PPP6R2: variants seen among roughly 807,000 people sequenced by gnomAD.
PPP6R2 encodes the protein protein phosphatase 6 regulatory subunit 2.
A neutral mutation model predicts 100.2 loss-of-function variants in PPP6R2; 62 were observed. The observed-to-expected ratio is 0.62, with a 90% confidence interval of 0.50 to 0.76. The LOEUF is 0.76. PPP6R2 is among the 30% of genes least tolerant of loss of function. The pLI is 0.00. For missense variants in PPP6R2, 1,142 were observed against 1,276.3 expected (o/e 0.89, Z 1.60); for synonymous variants, 525 against 514.7 (o/e 1.02, Z -0.27).
Position 50,406,773 on chromosome 22 carries a change from C to T in PPP6R2, c.312C>T (p.Ser104=). ...DRLGGDESLL[S]LLYDFLDHEP... is the part of the protein sequence containing the mutation. ...TCGGTGGGGACGAGAGCCTGCTGAGCCTCCTGTACGACTTCTTGGACCATG... is the reference window on the plus strand; with the variant it reads ...TCGGTGGGGACGAGAGCCTGCTGAGTCTCCTGTACGACTTCTTGGACCATG... The change falls in exon 4 of 24, where the codon AGC becomes AGT. Residue 104 remains serine, a synonymous_variant. Coordinates refer to ENST00000612753, the MANE Select transcript of PPP6R2 (RefSeq NM_001242898.2). 2 of 1,614,026 alleles carry T rather than the reference C, an allele frequency of 1.2e-6. No individual in the cohort carries two copies. Among genetic ancestry groups the T allele is most frequent in the African/African-American group, 1.3e-5 (1 of 75,010 alleles).
At chr22:50,424,864 A>C (rs540228860) in intron 10 of PPP6R2, among the ~76,000 whole-genome samples, 11 of 150,886 alleles carry the variant, frequency 7.3e-5, no homozygotes, top group South Asian at 4.2e-4. Context: ...ATGGTCTCAA[A>C]CTCCTGACCT....
intron 8 of PPP6R2, among the ~76,000 whole-genome samples, chr22:50,419,934 C>T (rs12159194): frequency 0.039 from 5,920 of 152,344 alleles, 226 homozygotes; most frequent in African/African-American, 0.096. Flanking sequence ...GGGTCGGCAC[C>T]GCCTGCTGAG....
At chr22:50,339,411 G>GGGGTA (rs2147828065), upstream of PPP6R2, among the ~76,000 whole-genome samples, 1 of 133,310 alleles carries the variant, frequency 7.5e-6, no homozygotes, top group African/African-American at 2.8e-5. Flanking sequence ...TGTGGTGTGT[G>GGGGTA]TGTAGGGTGT....
intron 3 of PPP6R2, among the ~76,000 whole-genome samples, chr22:50,402,208 A>G (rs1201327264): frequency 2.0e-5 from 3 of 151,596 alleles, no homozygotes; most frequent in African/African-American, 7.3e-5. Context: ...CCACTAGTTG[A>G]CTTTTCTCTT....
intron 1 of PPP6R2, among the ~76,000 whole-genome samples, chr22:50,353,676 G>A (rs947116085): frequency 2.6e-5 from 4 of 152,068 alleles, no homozygotes; most frequent in Admixed American, 1.3e-4. Context: ...CATTACCTGC[G>A]AAGCACAATG....
chr22:50,365,610 C>T (rs550231321), intron 1 of PPP6R2, among the ~76,000 whole-genome samples: 10 of 148,416 alleles, frequency 6.7e-5, no homozygotes, highest in Admixed American at 2.7e-4. Flanking sequence ...ACCCGGGAGG[C>T]GGAGCTTGCA....
rs372034581 is a variant in PPP6R2, at chr22:50,431,411, GC to G, written c.1335+30del. 3.0e-4 allele frequency: 471 copies of G among 1,582,280 alleles called. 5 individuals are homozygous for G. In the South Asian group the frequency reaches 4.4e-3, roughly 15 times the overall value. ...AGTCCAAGAAGCATCCATCTTATCA[GC>G]GCCAACTGCGCCCCACTCAGACCGT... On this transcript the variant is annotated intron_variant, in intron 11 of 23. Coordinates refer to ENST00000612753, the MANE Select transcript of PPP6R2 (RefSeq NM_001242898.2). The surrounding 1 kb of genome is among the most constrained non-coding windows in gnomAD (Gnocchi z 4.8).
At position 50,439,779 on chromosome 22, in the gene PPP6R2, C is replaced by T; in HGVS notation, c.2207C>T (p.Ser736Phe). 6.2e-7 allele frequency: 1 copy of T among 1,613,820 alleles called. No individual in the cohort carries two copies. Among genetic ancestry groups the T allele is most frequent in the Non-Finnish European group, 8.5e-7 (1 of 1,179,950 alleles). The change falls in exon 20 of 24, where the codon TCC becomes TTC. Residue 736 changes from serine (S) to phenylalanine (F), a missense_variant. Physicochemically the swap from Ser to Phe is radical, Grantham distance 155 (BLOSUM62 -2). Around this residue, in one of 2 missense-constraint regions of PPP6R2, gnomAD observed 550 missense variants for 517.4 expected, o/e 1.06. Transcript: ENST00000612753. ...CCAGGAGTGGTGAGGGACGTGGGTT[C>T]CAGTGTGTGGGCAGCTGGCACCTCA... ...TAPGVVRDVG[S>F]SVWAAGTSAP...
intron 15 of PPP6R2, among the ~76,000 whole-genome samples, 188 bp from the exon 16 acceptor site, chr22:50,437,318 C>T (rs771123783): frequency 8.5e-5 from 13 of 152,316 alleles, no homozygotes; most frequent in Non-Finnish European, 1.9e-4. Context: ...CAGATGTGAC[C>T]GCAGCGAGCG....
chr22:50,426,624 C>A (rs1448420183), intron 10 of PPP6R2, among the ~76,000 whole-genome samples: 1 of 152,162 alleles, frequency 6.6e-6, no homozygotes. Flanking sequence ...CACCTGAGGT[C>A]AGGAGTTTGT....
intron 2 of PPP6R2, chr22:50,393,387 T>G (rs2056059509): frequency 1.0e-6 from 1 of 985,140 alleles, no homozygotes; most frequent in African/African-American, 1.7e-5. Flanking sequence ...CTCACAAATG[T>G]GAGACTTTCA....
chr22:50,388,190 A>C (rs2054645221), intron 2 of PPP6R2, among the ~76,000 whole-genome samples: 1 of 151,858 alleles, frequency 6.6e-6, no homozygotes, highest in Non-Finnish European at 1.5e-5. Context: ...AAAAAAAAAA[A>C]CAGTCAGCTT....
intron 4 of PPP6R2, among the ~76,000 whole-genome samples, chr22:50,412,837 G>C (rs552249759): frequency 2.0e-5 from 3 of 150,522 alleles, no homozygotes; most frequent in South Asian, 4.2e-4. Context: ...TAGAGACGGG[G>C]TTTCACCATG....
At chr22:50,362,099 C>T (rs1359971190) in intron 1 of PPP6R2, among the ~76,000 whole-genome samples, 3 of 152,216 alleles carry the variant, frequency 2.0e-5, no homozygotes, top group Non-Finnish European at 4.4e-5. Context: ...GGTTCTCTGG[C>T]TGCCTGGAGG....
chr22:50,364,647 A>T (rs1261893961), intron 1 of PPP6R2, among the ~76,000 whole-genome samples: 1 of 152,246 alleles, frequency 6.6e-6, no homozygotes, highest in Non-Finnish European at 1.5e-5. Flanking sequence ...GTAGCTATAG[A>T]TGGTCTTCAG....
At chr22:50,360,350 CT>C (rs146808027) in intron 1 of PPP6R2, among the ~76,000 whole-genome samples, 34,424 of 135,246 alleles carry the variant, frequency 0.25, 6,012 homozygotes, top group African/African-American at 0.51. Flanking sequence ...CATGCTCAGC[CT>C]TTTTTTTTTT....
At chr22:50,380,580 C>T (rs936239775) in intron 2 of PPP6R2, among the ~76,000 whole-genome samples, 3 of 151,304 alleles carry the variant, frequency 2.0e-5, no homozygotes, top group Non-Finnish European at 4.4e-5. Context: ...GGGCTGATCT[C>T]GAACTCCTGA....
intron 4 of PPP6R2, among the ~76,000 whole-genome samples, chr22:50,413,670 A>C (rs1007459775): frequency 1.4e-5 from 2 of 144,956 alleles, no homozygotes; most frequent in African/African-American, 2.6e-5. Flanking sequence ...CTCCTCCCCT[A>C]CCCCCTCCTC....
chr22:50,334,904 C>T, the PPP6R2 span, among the ~76,000 whole-genome samples: 1 of 151,802 alleles, frequency 6.6e-6, no homozygotes, highest in South Asian at 2.1e-4. Context: ...GAGGCAAGAT[C>T]GCACCAACTG....
Sources: allele counts gnomAD v4.1 joint callset (sites outside exome capture counted in the v4.1 genomes callset), GRCh38; gene constraint gnomAD v4.1.1; regional missense constraint gnomAD v4.1.1; non-coding constraint Gnocchi (gnomAD v3.1); transcripts MANE v1.5; gene names NCBI Gene and HGNC (gene_info 2026-07-23, HGNC 2026-07-21).